MEIS1: variants seen among roughly 807,000 people sequenced by gnomAD.
The protein encoded by MEIS1 is Meis homeobox 1.
Under a neutral mutation model 50.8 loss-of-function variants are expected in MEIS1, and 5 were observed. The observed-to-expected ratio is 0.10, with a 90% CI of 0.05 to 0.21. The LOEUF is 0.21. Among genes scored for constraint, MEIS1 ranks in the 10% least tolerant of loss-of-function variants. MEIS1 has a pLI of 1.00. For synonymous variants in MEIS1, 176 were observed against 179.3 expected, an observed-to-expected ratio of 0.98 and a Z score of 0.15; for missense variants, 318 against 517.3, an observed-to-expected ratio of 0.61 and a Z score of 3.74.
chr2:66,571,461 A>G lies in MEIS1; in HGVS notation c.*253A>G, dbSNP rs1006482062. 2 of 1,601,994 alleles carry G rather than the reference A, an allele frequency of 1.2e-6. No homozygotes were observed. The highest frequency in any genetic ancestry group is 2.7e-5 in the African/African-American group (2 of 74,700). The stretch of plus-strand genomic sequence containing the variant: ...CCCTGGAATGCCAATGTCAGCATCA[A>G]GCCCCACAGTTCTTAATACAGGAGA... On this transcript the variant is annotated 3_prime_UTR_variant, in exon 13 of 13. Coordinates refer to ENST00000272369, the MANE Select transcript of MEIS1 (RefSeq NM_002398.3).
intron 8 of MEIS1, among the ~76,000 whole-genome samples, chr2:66,518,998 T>C (rs890764722): frequency 1.3e-5 from 2 of 152,214 alleles, no homozygotes; most frequent in Admixed American, 1.3e-4. Flanking sequence ...CTGTCTCTCA[T>C]GCTAAAGTGT....
intron 6 of MEIS1, among the ~76,000 whole-genome samples, chr2:66,459,207 G>A (rs574720871): frequency 1.3e-5 from 2 of 152,154 alleles, no homozygotes; most frequent in Non-Finnish European, 2.9e-5. Flanking sequence ...AGGGGCTGGG[G>A]TCAGGCAGGG....
In MEIS1 at chr2:66,443,029, C is replaced by T; in HGVS notation, c.611C>T (p.Ser204Leu). ...TCAGACAGTGAAGATATAACAAGAT[C>T]AGCAAATCTAACTGACCAGGTATGC... ...SKSDSEDITRSANLTDQPSWN... is the reference protein window; with the variant it reads ...SKSDSEDITRLANLTDQPSWN... The change falls in exon 6 of 13, where the codon TCA (serine) becomes TTA (leucine). Residue 204 changes from serine to leucine, a missense_variant. Ser to Leu is a moderately radical substitution (Grantham distance 145). Transcript: ENST00000272369. 6.3e-7 allele frequency: 1 copy of T among 1,596,908 alleles called. No homozygotes were observed. Among genetic ancestry groups the T allele is most frequent in the Non-Finnish European group, 8.5e-7 (1 of 1,174,310 alleles).
intron 7 of MEIS1, among the ~76,000 whole-genome samples, chr2:66,473,662 T>C (rs1672822353): frequency 2.6e-5 from 4 of 152,098 alleles, no homozygotes; most frequent in Admixed American, 2.6e-4. Context: ...TTGAAGTTAT[T>C]GATAATAAAA....
At chr2:66,570,735 T>C (rs1558568345) in intron 12 of MEIS1, 2 of 153,266 alleles carry the variant, frequency 1.3e-5, no homozygotes, top group Non-Finnish European at 2.9e-5. Flanking sequence ...CATTATAAGG[T>C]GGACAGTGTT....
intron 7 of MEIS1, among the ~76,000 whole-genome samples, chr2:66,478,008 A>C (rs1419301284): frequency 6.6e-6 from 1 of 152,238 alleles, no homozygotes; most frequent in African/African-American, 2.4e-5. Context: ...TTATTTGGCT[A>C]AAAACACTGT....
In MEIS1 at chr2:66,571,515, A is replaced by AT. The variant is rs1675487601; in HGVS notation, c.*309dup. On this transcript the variant is annotated 3_prime_UTR_variant, in exon 13 of 13. Coordinates refer to ENST00000272369, the MANE Select transcript of MEIS1 (RefSeq NM_002398.3). The stretch of plus-strand genomic sequence containing the variant: ...AACAATGAGTGGACAAGTCATGGAC[A>AT]TTCATGCTCAGTAGCTTAAGGGAAT... 9.6e-6 allele frequency: 15 copies of AT among 1,569,744 alleles called. No homozygotes were observed. Among genetic ancestry groups the AT allele is most frequent in the African/African-American group, 1.4e-5 (1 of 73,738 alleles).
chr2:66,459,913 A>T (rs1179128128), intron 6 of MEIS1, among the ~76,000 whole-genome samples: 3 of 152,184 alleles, frequency 2.0e-5, no homozygotes, highest in Non-Finnish European at 4.4e-5. Context: ...TTGGACATAC[A>T]AGTCTAAAGA....
At chr2:66,548,319 T>C (rs923469279) in intron 9 of MEIS1, among the ~76,000 whole-genome samples, 13 of 152,132 alleles carry the variant, frequency 8.5e-5, no homozygotes, top group East Asian at 7.7e-4. Context: ...GCTTTTTTTT[T>C]CCCCCTTCAG....
At chr2:66,442,184 A>AT (rs1231750782) in intron 5 of MEIS1, among the ~76,000 whole-genome samples, 1 of 150,992 alleles carries the variant, frequency 6.6e-6, no homozygotes, top group African/African-American at 2.4e-5. Flanking sequence ...TTTCTTGTGA[A>AT]TTTTTGCATG....
At chr2:66,517,292 C>G (rs570666725) in intron 8 of MEIS1, among the ~76,000 whole-genome samples, 9 of 152,126 alleles carry the variant, frequency 5.9e-5, no homozygotes, top group Non-Finnish European at 1.3e-4. Context: ...TGTCATGTGC[C>G]TGAGACAAGG....
chr2:66,445,249 C>T (rs2103696324), intron 6 of MEIS1: 1 of 152,390 alleles, frequency 6.6e-6, no homozygotes, highest in African/African-American at 2.4e-5. Flanking sequence ...TGTGTGACCC[C>T]CTGGGGCTCA....
intron 7 of MEIS1, among the ~76,000 whole-genome samples, chr2:66,509,685 G>GAAACGCCA (rs1673776945): frequency 6.6e-6 from 1 of 152,176 alleles, no homozygotes; most frequent in Non-Finnish European, 1.5e-5. Context: ...AACAGGAAAG[G>GAAACGCCA]TTCTGGTGAG....
intron 8 of MEIS1, among the ~76,000 whole-genome samples, chr2:66,522,132 T>C (rs1674137904): frequency 6.6e-6 from 1 of 152,208 alleles, no homozygotes; most frequent in Admixed American, 6.5e-5. Context: ...ATTTTAAAGA[T>C]TAGTGGAATT....
At chr2:66,441,133 T>G in intron 4 of MEIS1, 1 of 418,342 alleles carries the variant, frequency 2.4e-6, no homozygotes, top group Non-Finnish European at 4.2e-6. Flanking sequence ...TGGGGTGGGG[T>G]GGGGCCAGTG....
In MEIS1 at chr2:66,472,788, G is replaced by A. The variant is rs539834962; in HGVS notation, c.742+8568G>A. ...CTCCAGAGCCCACTCTTGGAAACTT[G>A]GTCCAGTCCTTCCACACTGCCATGA... On this transcript the variant is annotated intron_variant, in intron 7 of 12. Transcript: ENST00000272369. Among the ~76,000 whole-genome samples the A allele has an allele frequency of 6.4e-4, 98 of 152,194 alleles. 1 individual carries two copies. The highest frequency in any genetic ancestry group is 7.2e-4 in the Admixed American group (11 of 15,290).
chr2:66,509,012 G>C (rs1169218301), intron 7 of MEIS1: 1 of 471,158 alleles, frequency 2.1e-6, no homozygotes, highest in South Asian at 1.5e-5. Context: ...GTGGTCGGCC[G>C]GCGGTTCTCC....
intron 1 of MEIS1, chr2:66,437,454 TCTTTC>T: frequency 2.3e-6 from 1 of 442,420 alleles, no homozygotes. Context: ...CTTTCTTTCT[TCTTTC>T]CTTCTTGCCA....
chr2:66,539,346 C>A (rs1171600140), intron 8 of MEIS1, among the ~76,000 whole-genome samples: 2 of 152,178 alleles, frequency 1.3e-5, no homozygotes, highest in African/African-American at 4.8e-5. Flanking sequence ...ATAAAAGGTA[C>A]ACACACATAC....
Sources: gnomAD v4.1 joint callset for allele counts (sites outside exome capture counted in the v4.1 genomes callset) on GRCh38, gnomAD v4.1.1 for gene constraint, MANE v1.5 for transcripts, NCBI Gene and HGNC (gene_info 2026-07-23, HGNC 2026-07-21) for gene names.